SLC26A2: variants seen among roughly 807,000 people sequenced by gnomAD.
SLC26A2 encodes sulfate transporter.
In SLC26A2, 36 loss-of-function variants were observed where a neutral mutation model predicts 41.1. The observed-to-expected ratio is 0.88, with a 90% CI of 0.67 to 1.16. The LOEUF (loss-of-function observed/expected upper bound fraction) is 1.16. Among genes scored for constraint, SLC26A2 ranks in the 50% most tolerant of loss-of-function variants. The pLI is 0.00. For synonymous variants in SLC26A2, 291 were observed against 311.6 expected, an observed-to-expected ratio of 0.93 and a Z score of 0.70; for missense variants, 796 against 869.6, an observed-to-expected ratio of 0.92 and a Z score of 1.07.
chr5:149,980,344 G>A lies in SLC26A2; in HGVS notation c.751G>A (p.Ala251Thr). ...VGFVSVYLSD[A>T]LLSGFVTGAS... Reference sequence around the variant, plus strand: ...TTTTGTTTCTGTCTACCTCTCAGATGCCTTGCTGAGTGGATTTGTCACTGG... The same window carrying A: ...TTTTGTTTCTGTCTACCTCTCAGATACCTTGCTGAGTGGATTTGTCACTGG... The change falls in exon 3 of 3, where the codon GCC becomes ACC. Residue 251 changes from alanine to threonine, a missense_variant. Coordinates refer to ENST00000286298, the MANE Select transcript of SLC26A2 (RefSeq NM_000112.4). 6.2e-7 allele frequency: 1 copy of A among 1,614,064 alleles called. No homozygotes were observed. The highest frequency in any genetic ancestry group is 8.5e-7 in the Non-Finnish European group (1 of 1,179,974).
At position 149,980,710 on chromosome 5, in the gene SLC26A2, G is replaced by A. The variant is rs773426707; in HGVS notation, c.1117G>A (p.Val373Ile). The A allele has an allele frequency of 3.1e-6, 5 of 1,614,004 alleles. No individual in the cohort carries two copies. The South Asian group carries it at 3.3e-5, about 11-fold the overall frequency. ...HIPTGFMPPK[V>I]PEWNLIPSVA... The stretch of plus-strand genomic sequence containing the variant: ...TCCCACTGGGTTTATGCCACCCAAA[G>A]TACCAGAATGGAACCTAATTCCTAG... Residue 373 changes from valine (V) to isoleucine (I), a missense_variant, in exon 3 of 3, where the codon GTA becomes ATA. Coordinates refer to ENST00000286298, the MANE Select transcript of SLC26A2 (RefSeq NM_000112.4).
In SLC26A2 at chr5:149,987,198, C is replaced by CA. The variant is rs1755213180; in HGVS notation, c.*5386dup. The CA allele has an allele frequency of 6.6e-6, 1 of 152,080 alleles. No homozygotes were observed. Among genetic ancestry groups the CA allele is most frequent in the Admixed American group, 6.5e-5 (1 of 15,272 alleles). The allele number at this position is 152,080 out of a possible 1,614,324, so 9.4% of individuals were successfully genotyped here. ...TGCCTTGATGTAATTCCATGTAAAT[C>CA]ATTGCTTAACCCTCTTATGGGATGA... On this transcript the variant is annotated 3_prime_UTR_variant, in exon 3 of 3. Transcript: ENST00000286298.
At position 149,980,885 on chromosome 5, in the gene SLC26A2, T is replaced by A. The variant is rs751027078; in HGVS notation, c.1292T>A (p.Phe431Tyr). Residue 431 changes from phenylalanine (F) to tyrosine (Y), a missense_variant, in exon 3 of 3, where the codon TTC becomes TAC. Transcript: ENST00000286298. Reference sequence around the variant, plus strand: ...TTTTGTAATATCATCCCTTCCTTCTTCCACTGTTTTACTACTAGTGCAGCT... The same window carrying A: ...TTTTGTAATATCATCCCTTCCTTCTACCACTGTTTTACTACTAGTGCAGCT... ...IGFCNIIPSF[F>Y]HCFTTSAALA... is the part of the protein sequence containing the mutation. The A allele has an allele frequency of 1.9e-6, 3 of 1,614,162 alleles. No individual in the cohort carries two copies. The South Asian group carries it at 3.3e-5, about 18-fold the overall frequency.
chr5:149,968,512 G>A (rs566211071), intron 1 of SLC26A2, among the ~76,000 whole-genome samples: 58 of 151,648 alleles, frequency 3.8e-4, no homozygotes, highest in African/African-American at 1.4e-3. Flanking sequence ...CTGGGTTCAC[G>A]CCATTCTCTT....
chr5:149,961,580 C>T (rs1754705634), intron 1 of SLC26A2, among the ~76,000 whole-genome samples: 1 of 152,178 alleles, frequency 6.6e-6, no homozygotes, highest in Non-Finnish European at 1.5e-5. Context: ...TTGTACCCAG[C>T]TCTCCAAACT....
chr5:149,965,479 CAAAAAA>C (rs55779255), intron 1 of SLC26A2, among the ~76,000 whole-genome samples: 16 of 63,942 alleles, frequency 2.5e-4, no homozygotes, highest in Admixed American at 1.8e-3. Context: ...GACTCTGTCT[CAAAAAA>C]AAAAAAAAAA....
At position 149,981,518 on chromosome 5, in the gene SLC26A2, A is replaced by T; in HGVS notation, c.1925A>T (p.Asp642Val). The change falls in exon 3 of 3, where the codon GAT (aspartate) becomes GTT (valine). Residue 642 changes from aspartate (D) to valine (V), a missense_variant. Physicochemically the swap from Asp to Val is radical, Grantham distance 152 (BLOSUM62 -3). Coordinates refer to ENST00000286298, the MANE Select transcript of SLC26A2 (RefSeq NM_000112.4). ...GAAATGTCAGTGCAACTTTCCCATG[A>T]TCCCTTGGAGCTGCATACTATAGTG... ...QDEMSVQLSH[D>V]PLELHTIVID... 1 of 1,614,112 alleles carries T rather than the reference A, an allele frequency of 6.2e-7. No individual in the cohort carries two copies. The highest frequency in any genetic ancestry group is 2.2e-5 in the East Asian group (1 of 44,872).
At chr5:149,978,785 T>C (rs1487256515) in intron 2 of SLC26A2, among the ~76,000 whole-genome samples, 2 of 152,098 alleles carry the variant, frequency 1.3e-5, no homozygotes, top group Admixed American at 1.3e-4. Context: ...CCTCCCTGGC[T>C]CAAGCAGTCC....
At chr5:149,972,928 T>C (rs968662727) in intron 1 of SLC26A2, among the ~76,000 whole-genome samples, 4 of 152,234 alleles carry the variant, frequency 2.6e-5, no homozygotes, top group Non-Finnish European at 5.9e-5. Context: ...TTATTACTTA[T>C]ACCTTTTTAA....
Position 149,980,568 on chromosome 5 carries a change from C to A in SLC26A2, c.975C>A (p.Phe325Leu). Residue 325 changes from phenylalanine to leucine, a missense_variant, in exon 3 of 3, where the codon TTC becomes TTA. By Grantham distance (22) the Phe-to-Leu change is conservative. Coordinates refer to ENST00000286298, the MANE Select transcript of SLC26A2 (RefSeq NM_000112.4). ...CAACCAAAGAACTCAATGAACACTT[C>A]AAATCCAAGCTTAAGGCACCGATTC... is the stretch of plus-strand genomic sequence containing the variant. ...LLPTKELNEH[F>L]KSKLKAPIPI... 6.2e-7 allele frequency: 1 copy of A among 1,614,194 alleles called. No individual in the cohort carries two copies. The highest frequency in any genetic ancestry group is 8.5e-7 in the Non-Finnish European group (1 of 1,180,024).
chr5:149,968,728 C>A (rs1754848806), intron 1 of SLC26A2, among the ~76,000 whole-genome samples: 1 of 148,180 alleles, frequency 6.7e-6, no homozygotes, highest in Admixed American at 6.8e-5. Flanking sequence ...CCTCAACTGT[C>A]TTTTTTTTGA....
chr5:149,979,013 C>T (rs1407012778), intron 2 of SLC26A2, among the ~76,000 whole-genome samples: 1 of 152,076 alleles, frequency 6.6e-6, no homozygotes, highest in Non-Finnish European at 1.5e-5. Context: ...CCACCACACC[C>T]AGCCTCAAAT....
intron 1 of SLC26A2, among the ~76,000 whole-genome samples, chr5:149,971,503 G>A (rs1039412788): frequency 1.3e-5 from 2 of 152,072 alleles, no homozygotes; most frequent in South Asian, 2.1e-4. Context: ...AGGTTCAAGC[G>A]ATTCTCCTGC....
rs148424806 is a variant in SLC26A2, at chr5:149,985,393, A to G, written c.*3580A>G. The G allele has an allele frequency of 1.2e-4, 18 of 152,340 alleles. No homozygotes were observed. In the East Asian group the frequency reaches 2.9e-3, roughly 24 times the overall value. The allele number at this position is 152,340 out of a possible 1,614,324, so 9.4% of individuals were successfully genotyped here. Reference sequence around the variant, plus strand: ...TGAACAACAGACATTGCAAGTCAAAATTGTTGTCAAATTTACATATGGTAA... The same window carrying G: ...TGAACAACAGACATTGCAAGTCAAAGTTGTTGTCAAATTTACATATGGTAA... On this transcript the variant is annotated 3_prime_UTR_variant, in exon 3 of 3. Coordinates refer to ENST00000286298, the MANE Select transcript of SLC26A2 (RefSeq NM_000112.4).
rs1007945580 is a variant in SLC26A2, at chr5:149,987,229, A to T, written c.*5416A>T. ...TTAACCCTCTTATGGGATGAGGATG[A>T]GTTATTAATGTATTGCAGCCTACTG... On this transcript the variant is annotated 3_prime_UTR_variant, in exon 3 of 3. Transcript: ENST00000286298. The T allele has an allele frequency of 6.6e-6, 1 of 152,158 alleles. No individual in the cohort carries two copies. The highest frequency in any genetic ancestry group is 1.5e-5 in the Non-Finnish European group (1 of 68,010). 9.4% of individuals were successfully genotyped at this position (152,158 alleles called of 1,614,324 possible). A position where few individuals can be genotyped will look rare whatever the true frequency, so the allele number is the denominator to read the frequency against.
intron 1 of SLC26A2, among the ~76,000 whole-genome samples, chr5:149,968,789 G>A (rs913593527): frequency 3.3e-5 from 5 of 150,208 alleles, no homozygotes; most frequent in Non-Finnish European, 5.9e-5. Flanking sequence ...CGCGATCTTG[G>A]TTCACTGCAA....
In SLC26A2 at chr5:149,977,784, C is replaced by G. The variant is rs1202182617; in HGVS notation, c.132C>G (p.Thr44=). The G allele has an allele frequency of 1.2e-6, 2 of 1,613,730 alleles. No individual in the cohort carries two copies. The highest frequency in any genetic ancestry group is 1.7e-5 in the Admixed American group (1 of 60,000). The part of the protein sequence containing the change: ...ESSTDFKQFE[T]NDQCRPYHRI... ...GTACTGACTTCAAGCAATTTGAGACCAATGATCAATGCAGACCTTATCATA... is the reference window on the plus strand; with the variant it reads ...GTACTGACTTCAAGCAATTTGAGACGAATGATCAATGCAGACCTTATCATA... Residue 44 remains threonine, a synonymous_variant, in exon 2 of 3, where the codon ACC becomes ACG. Coordinates refer to ENST00000286298, the MANE Select transcript of SLC26A2 (RefSeq NM_000112.4).
chr5:149,981,545 TTGAC>T lies in SLC26A2; in HGVS notation c.1955_1958del (p.Asp652AlafsTer7), dbSNP rs1057517474. On this transcript the variant is annotated frameshift_variant, in exon 3 of 3. Coordinates refer to ENST00000286298, the MANE Select transcript of SLC26A2 (RefSeq NM_000112.4). LOFTEE classifies it high-confidence loss of function. ...CCCTTGGAGCTGCATACTATAGTGA[TTGAC>T]TGCAGTGCAATTCAATTTTTAGATA... is the stretch of plus-strand genomic sequence containing the variant. 7 of 1,614,144 alleles carry T rather than the reference TTGAC, an allele frequency of 4.3e-6. No homozygotes were observed. The highest frequency in any genetic ancestry group is 5.9e-6 in the Non-Finnish European group (7 of 1,180,006).
chr5:149,975,306 A>G (rs1754974919), intron 1 of SLC26A2, among the ~76,000 whole-genome samples: 1 of 152,028 alleles, frequency 6.6e-6, no homozygotes, highest in South Asian at 2.1e-4. Flanking sequence ...CACTTTTAGC[A>G]TTCCTTATTT....
Sources: allele counts gnomAD v4.1 joint callset (sites outside exome capture counted in the v4.1 genomes callset), GRCh38; gene constraint gnomAD v4.1.1; transcripts MANE v1.5; gene names NCBI Gene and HGNC (gene_info 2026-07-23, HGNC 2026-07-21).